The following SIPA1L3 variants were observed in gnomAD, a reference collection of about 807,000 sequenced individuals.
SIPA1L3 encodes signal induced proliferation associated 1 like 3, also known as signal-induced proliferation-associated 1-like protein 3.
In SIPA1L3, 59 loss-of-function variants were observed where a neutral mutation model predicts 150.1. The ratio of observed to expected loss-of-function variants is 0.39; its 90% confidence interval spans 0.32 to 0.49. The LOEUF (loss-of-function observed/expected upper bound fraction) is 0.49. SIPA1L3 is among the 20% of genes least tolerant of loss of function. SIPA1L3 has a pLI of 0.86. For synonymous variants in SIPA1L3, 1,070 were observed against 1,077.6 expected (o/e 0.99, Z 0.14); for missense variants, 2,211 against 2,489.5 (o/e 0.89, Z 2.38).
chr19:38,137,014 T>C (rs1251591374), intron 10 of SIPA1L3, among the ~76,000 whole-genome samples: 1 of 152,156 alleles, frequency 6.6e-6, no homozygotes, highest in Non-Finnish European at 1.5e-5. Flanking sequence ...CTGCTAACGC[T>C]CAGAGAATGC....
intron 1 of SIPA1L3, among the ~76,000 whole-genome samples, chr19:38,008,569 A>G (rs1456237128): frequency 6.6e-6 from 1 of 151,140 alleles, no homozygotes; most frequent in Non-Finnish European, 1.5e-5. Context: ...CTTTACCCCC[A>G]TTCCTTTTCC....
intron 10 of SIPA1L3, among the ~76,000 whole-genome samples, chr19:38,134,383 C>T (rs1049747806): frequency 7.3e-6 from 1 of 137,850 alleles, no homozygotes; most frequent in African/African-American, 2.8e-5. Context: ...TGTGATCACA[C>T]CACTGCACTC....
At chr19:38,070,440 A>C (rs1339620785) in intron 2 of SIPA1L3, among the ~76,000 whole-genome samples, 4 of 152,136 alleles carry the variant, frequency 2.6e-5, no homozygotes, top group Non-Finnish European at 4.4e-5. Flanking sequence ...GCGTTTCTCT[A>C]CTGGAGGTCC....
At chr19:38,030,283 C>T (rs1968615854) in intron 2 of SIPA1L3, among the ~76,000 whole-genome samples, 1 of 152,076 alleles carries the variant, frequency 6.6e-6, no homozygotes, top group Non-Finnish European at 1.5e-5. Context: ...AAATATGAGC[C>T]AGGTGTGGTG....
At chr19:38,128,644 C>T (rs1971233373) in intron 9 of SIPA1L3, among the ~76,000 whole-genome samples, 2 of 152,254 alleles carry the variant, frequency 1.3e-5, no homozygotes, top group African/African-American at 4.8e-5. Context: ...CGCCTGTAAT[C>T]CCAGCACTTT....
chr19:37,947,614 T>A (rs1161141275), intron 1 of SIPA1L3, among the ~76,000 whole-genome samples: 1 of 152,128 alleles, frequency 6.6e-6, no homozygotes, highest in African/African-American at 2.4e-5. Context: ...CAGGCCCTGG[T>A]CTGTCAAGTT....
chr19:37,916,958 CAAA>C, intron 1 of SIPA1L3, among the ~76,000 whole-genome samples: 1 of 134,042 alleles, frequency 7.5e-6, no homozygotes, highest in South Asian at 2.3e-4. Flanking sequence ...GACTCCTTCT[CAAA>C]AAAAAAAAAA....
chr19:38,137,066 TGAGAA>T (rs1368690761), intron 10 of SIPA1L3, among the ~76,000 whole-genome samples: 1 of 152,202 alleles, frequency 6.6e-6, no homozygotes, highest in Non-Finnish European at 1.5e-5. Context: ...ACTGAGGCTC[TGAGAA>T]GAGAATTCCT....
At chr19:38,191,129 G>C (rs1972795253) in intron 16 of SIPA1L3, among the ~76,000 whole-genome samples, 1 of 152,172 alleles carries the variant, frequency 6.6e-6, no homozygotes, top group Non-Finnish European at 1.5e-5. Context: ...TTTATAAGCT[G>C]GGCATGGTGG....
intron 1 of SIPA1L3, among the ~76,000 whole-genome samples, chr19:37,914,588 G>A (rs752977703): frequency 1.3e-5 from 2 of 151,790 alleles, no homozygotes; most frequent in Non-Finnish European, 2.9e-5. Context: ...TGTTGGCCAG[G>A]GTGGTCTCAA....
chr19:38,186,470 G>A (rs1972680162), intron 16 of SIPA1L3, among the ~76,000 whole-genome samples: 1 of 144,062 alleles, frequency 6.9e-6, no homozygotes, highest in African/African-American at 2.4e-5. Context: ...ATACCACCAT[G>A]TCTGGCTAAT....
rs1972579774 is a variant in SIPA1L3, at chr19:38,182,613, T to C, written c.4303T>C (p.Phe1435Leu). The stretch of plus-strand genomic sequence containing the variant: ...CTCCCAGCTGGCCCAGCCCAGCCCC[T>C]TTCAGCTCTCCGCCTCCGTCCCCAA... ...RPSQLAQPSP[F>L]QLSASVPKSF... Residue 1435 changes from phenylalanine to leucine, a missense_variant, in exon 16 of 22, where the codon TTT becomes CTT. By Grantham distance (22) the Phe-to-Leu change is conservative. Coordinates refer to ENST00000222345, the MANE Select transcript of SIPA1L3 (RefSeq NM_015073.3). 1 of 1,614,140 alleles carries C rather than the reference T, an allele frequency of 6.2e-7. No homozygotes were observed. Among genetic ancestry groups the C allele is most frequent in the Admixed American group, 1.7e-5 (1 of 60,006 alleles).
chr19:38,200,208 G>C (rs1020441717), intron 19 of SIPA1L3: 7 of 152,310 alleles, frequency 4.6e-5, no homozygotes, highest in African/African-American at 1.7e-4. Context: ...GAGTAGCTGA[G>C]ATTATAGGTA....
intron 4 of SIPA1L3, among the ~76,000 whole-genome samples, chr19:38,092,890 A>G (rs534661984): frequency 1.7e-5 from 2 of 118,398 alleles, no homozygotes; most frequent in East Asian, 2.4e-4. Context: ...GACGGAGTCT[A>G]GCTTTGTTCC....
At position 38,163,559 on chromosome 19, in the gene SIPA1L3, G is replaced by A. The variant is rs191635275; in HGVS notation, c.3781-920G>A. 4.0e-4 allele frequency among the ~76,000 whole-genome samples: 61 copies of A among 152,010 alleles called. 1 individual carries two copies. In the East Asian group the frequency reaches 9.5e-3, roughly 24 times the overall value. ...AGCACTGCAGCTCAAGGATGATGTG[G>A]TCAGAGAGGGCCTTTGAGGGGGTGA... On this transcript the variant is annotated intron_variant, in intron 14 of 21. Coordinates refer to ENST00000222345, the MANE Select transcript of SIPA1L3 (RefSeq NM_015073.3).
intron 2 of SIPA1L3, among the ~76,000 whole-genome samples, chr19:38,049,154 A>G (rs976154582): frequency 2.0e-5 from 3 of 151,602 alleles, no homozygotes; most frequent in African/African-American, 4.8e-5. Flanking sequence ...GATGGTGGGG[A>G]AAAAAAATGG....
intron 21 of SIPA1L3, 137 bp from the exon 22 acceptor site, chr19:38,205,960 G>GT (rs1444987487): frequency 2.0e-6 from 2 of 999,570 alleles, no homozygotes; most frequent in Non-Finnish European, 2.8e-6. Flanking sequence ...AGTGGGATGT[G>GT]TGCCCCGGCC....
At chr19:37,951,030 T>C (rs1156606934) in intron 1 of SIPA1L3, among the ~76,000 whole-genome samples, 1 of 152,246 alleles carries the variant, frequency 6.6e-6, no homozygotes, top group African/African-American at 2.4e-5. Flanking sequence ...GGGGTTTTCC[T>C]GTTGGGAACT....
intron 4 of SIPA1L3, among the ~76,000 whole-genome samples, chr19:38,089,466 C>G (rs1970214972): frequency 6.6e-6 from 1 of 152,068 alleles, no homozygotes; most frequent in African/African-American, 2.4e-5. Context: ...AAGAGATTAG[C>G]TCTAATAAGC....
Sources: allele counts gnomAD v4.1 joint callset (sites outside exome capture counted in the v4.1 genomes callset), GRCh38; gene constraint gnomAD v4.1.1; transcripts MANE v1.5; gene names NCBI Gene and HGNC (gene_info 2026-07-23, HGNC 2026-07-21).